Variants in RYR2 observed in about 807,000 individuals in gnomAD.
The protein encoded by RYR2 is cardiac muscle ryanodine receptor-calcium release channel.
A neutral mutation model predicts 601.1 loss-of-function variants in RYR2; 227 were observed. The observed-to-expected ratio is 0.38, with a 90% CI of 0.34 to 0.42. The LOEUF (loss-of-function observed/expected upper bound fraction) is 0.42. RYR2 is among the 10% of genes least tolerant of loss of function. The pLI, the probability that RYR2 is intolerant of heterozygous loss-of-function variation, is 1.00. For synonymous variants in RYR2, 2,223 were observed against 2,175.1 expected (o/e 1.02, Z -0.61); for missense variants, 4,646 against 6,156.5 (o/e 0.75, Z 8.21).
Position 237,639,104 on chromosome 1 carries a change from G to A in RYR2, c.7018G>A (p.Gly2340Arg). Residue 2340 changes from glycine to arginine, a missense_variant, in exon 46 of 105, where the codon GGG becomes AGG. Physicochemically the swap from Gly to Arg is moderately radical, Grantham distance 125. Transcript: ENST00000366574. The stretch of plus-strand genomic sequence containing the variant: ...TGGTCCTGCTTTGAGAGGAGAAGGT[G>A]GGAATGGGCTTCTTGCAGCAATGGA... ...CFGPALRGEG[G>R]NGLLAAMEEA... is the part of the protein sequence containing the mutation. 6.2e-7 allele frequency: 1 copy of A among 1,613,870 alleles called. No individual in the cohort carries two copies. Among genetic ancestry groups the A allele is most frequent in the Non-Finnish European group, 8.5e-7 (1 of 1,179,856 alleles).
At chr1:237,631,155 A>G (rs1029586728) in intron 41 of RYR2, among the ~76,000 whole-genome samples, 1 of 152,224 alleles carries the variant, frequency 6.6e-6, no homozygotes, top group African/African-American at 2.4e-5. Flanking sequence ...ATTAGGAATG[A>G]TGTGTCCAAA....
chr1:237,585,002 G>A (rs1674370273), intron 29 of RYR2, among the ~76,000 whole-genome samples: 1 of 151,924 alleles, frequency 6.6e-6, no homozygotes, highest in African/African-American at 2.4e-5. Context: ...CAGCCTCTCA[G>A]ATACAGATAC....
At chr1:237,697,276 T>C (rs1390275177) in intron 63 of RYR2, among the ~76,000 whole-genome samples, 3 of 149,470 alleles carry the variant, frequency 2.0e-5, no homozygotes, top group Non-Finnish European at 4.4e-5. Context: ...CAGGAAGGAC[T>C]CATGAGCACT....
chr1:237,566,242 A>C (rs535892620), intron 27 of RYR2, among the ~76,000 whole-genome samples: 1 of 152,136 alleles, frequency 6.6e-6, no homozygotes, highest in Admixed American at 6.5e-5. Context: ...CATCCTCCAC[A>C]ACCAAAGCAC....
intron 5 of RYR2, among the ~76,000 whole-genome samples, chr1:237,367,817 C>T (rs1048317898): frequency 2.6e-5 from 4 of 152,182 alleles, no homozygotes; most frequent in African/African-American, 9.7e-5. Context: ...CCCCTTTATA[C>T]ATACTCCTTA....
At chr1:237,508,911 T>G (rs1404096941) in intron 23 of RYR2, among the ~76,000 whole-genome samples, 2 of 150,780 alleles carry the variant, frequency 1.3e-5, no homozygotes, top group African/African-American at 4.9e-5. Flanking sequence ...CCCGGCTAAT[T>G]TTTTGTATTT....
chr1:237,638,104 G>GA lies in RYR2; in HGVS notation c.6793-242dup, dbSNP rs34788513. On this transcript the variant is annotated intron_variant, in intron 44 of 104. Transcript: ENST00000366574. ...AAAGAATGTCTGCTTAGAGAGAGCT[G>GA]AAAAAAAAAAAGCTTATAGTAGGAT... Among the ~76,000 whole-genome samples the GA allele has an allele frequency of 5.5e-3, 813 of 147,112 alleles. 4 individuals carry two copies. The highest frequency in any genetic ancestry group is 0.015 in the African/African-American group (602 of 40,350).
At chr1:237,231,814 C>T (rs1211123131) in intron 1 of RYR2, among the ~76,000 whole-genome samples, 1 of 152,100 alleles carries the variant, frequency 6.6e-6, no homozygotes, top group Non-Finnish European at 1.5e-5. Context: ...CTACTCCCAC[C>T]GCATCTTGTT....
chr1:237,749,818 T>G (rs985539948), intron 80 of RYR2, among the ~76,000 whole-genome samples: 2 of 152,134 alleles, frequency 1.3e-5, no homozygotes, highest in African/African-American at 2.4e-5. Context: ...TCCCTGTGTT[T>G]TAGAACAGGA....
At chr1:237,664,895 C>T (rs1399719647) in intron 56 of RYR2, among the ~76,000 whole-genome samples, 1 of 152,146 alleles carries the variant, frequency 6.6e-6, no homozygotes, top group Non-Finnish European at 1.5e-5. Context: ...CAAATATGTT[C>T]ACCCACTCCT....
chr1:237,811,359 A>C (rs912932603), intron 100 of RYR2, among the ~76,000 whole-genome samples: 2 of 152,172 alleles, frequency 1.3e-5, no homozygotes, highest in Non-Finnish European at 2.9e-5. Flanking sequence ...TTGTGTAAAG[A>C]AGTTTTTCTG....
intron 73 of RYR2, among the ~76,000 whole-genome samples, chr1:237,720,347 T>C (rs936133493): frequency 5.9e-5 from 9 of 152,226 alleles, no homozygotes; most frequent in African/African-American, 2.2e-4. Context: ...TAAATTAGCA[T>C]TTTAAAGAAT....
At chr1:237,747,964 T>G (rs1692220470) in intron 80 of RYR2, among the ~76,000 whole-genome samples, 2 of 152,146 alleles carry the variant, frequency 1.3e-5, no homozygotes, top group Non-Finnish European at 2.9e-5. Context: ...TGAGGGCCAG[T>G]GTTCTCCAGT....
chr1:237,249,322 C>T (rs1238301367), intron 1 of RYR2, among the ~76,000 whole-genome samples: 3 of 152,198 alleles, frequency 2.0e-5, no homozygotes, highest in African/African-American at 7.2e-5. Flanking sequence ...TGACCCAGTA[C>T]AAGGTCCTCG....
intron 3 of RYR2, among the ~76,000 whole-genome samples, chr1:237,348,108 A>T (rs1698454236): frequency 6.6e-6 from 1 of 152,024 alleles, no homozygotes; most frequent in Admixed American, 6.6e-5. Flanking sequence ...TAAGGCTTAC[A>T]CTCTGAAGAG....
intron 56 of RYR2, among the ~76,000 whole-genome samples, chr1:237,663,635 G>A (rs369472323): frequency 2.6e-5 from 4 of 152,166 alleles, no homozygotes; most frequent in Non-Finnish European, 4.4e-5. Context: ...TATGAGCATC[G>A]GCTTTGAAAG....
In RYR2 at chr1:237,106,197, C is replaced by T. The variant is rs1286656838; in HGVS notation, c.48+63628C>T. On this transcript the variant is annotated intron_variant, in intron 1 of 104. Coordinates refer to ENST00000366574, the MANE Select transcript of RYR2 (RefSeq NM_001035.3). This position sits in a 1 kb window ranked among gnomAD's most constrained non-coding sequence, Gnocchi z 4.4. ...GGGGTAGCTCGTTCTGATTTTCATT[C>T]TGAAAAGACCCGTCTGGCCACTGTG... 2.0e-5 allele frequency among the ~76,000 whole-genome samples: 3 copies of T among 152,168 alleles called. No homozygotes were observed. The highest frequency in any genetic ancestry group is 4.8e-5 in the African/African-American group (2 of 41,438).
chr1:237,621,861 G>A (rs909883933), intron 38 of RYR2, among the ~76,000 whole-genome samples: 2 of 152,130 alleles, frequency 1.3e-5, no homozygotes, highest in Non-Finnish European at 2.9e-5. Context: ...CAAATTTGTG[G>A]TTGCCACGAC....
At chr1:237,510,254 C>T (rs1036468092) in intron 23 of RYR2, among the ~76,000 whole-genome samples, 2 of 151,940 alleles carry the variant, frequency 1.3e-5, no homozygotes, top group African/African-American at 2.4e-5. Context: ...TTGGTGTTCA[C>T]GTATGGGATG....
Sources: allele counts gnomAD v4.1 joint callset (sites outside exome capture counted in the v4.1 genomes callset), GRCh38; gene constraint gnomAD v4.1.1; non-coding constraint Gnocchi (gnomAD v3.1); transcripts MANE v1.5; gene names NCBI Gene and HGNC (gene_info 2026-07-23, HGNC 2026-07-21).